SASH1: variants seen among roughly 807,000 people sequenced by gnomAD.
The protein encoded by SASH1 is SAM and SH3 domain-containing protein 1.
A neutral mutation model predicts 125.2 loss-of-function variants in SASH1; 44 were observed. That is an observed-to-expected ratio of 0.35 (90% CI 0.28 to 0.45). The LOEUF is 0.45. SASH1 is among the 20% of genes least tolerant of loss of function. The probability of loss-of-function intolerance (pLI) is 1.00; values close to 1 mark genes in which losing one functional copy is unlikely to be tolerated. For synonymous variants in SASH1, 639 were observed against 649.1 expected (o/e 0.98, Z 0.24); for missense variants, 1,426 against 1,614.5 (o/e 0.88, Z 2.00).
chr6:148,455,947 G>A (rs1046616019), intron 4 of SASH1, among the ~76,000 whole-genome samples: 21 of 152,050 alleles, frequency 1.4e-4, no homozygotes, highest in Admixed American at 1.4e-3. Context: ...GGACTCCCCT[G>A]CTGCCCCCAG....
intron 6 of SASH1, among the ~76,000 whole-genome samples, 176 bp downstream of exon 6, chr6:148,471,679 CTTTTG>C (rs747414016): frequency 1.2e-4 from 19 of 152,076 alleles, no homozygotes; most frequent in Non-Finnish European, 2.1e-4. Context: ...CAGTGATTTT[CTTTTG>C]TTTTAAGTCA....
chr6:148,242,300 G>T, the SASH1 span, among the ~76,000 whole-genome samples: 3 of 152,224 alleles, frequency 2.0e-5, no homozygotes, highest in African/African-American at 7.2e-5. Flanking sequence ...CTCCATTCCA[G>T]TGGGAACCTG....
chr6:148,296,006 G>A (rs1338238516), intron 1 of SASH1, among the ~76,000 whole-genome samples: 1 of 152,150 alleles, frequency 6.6e-6, no homozygotes, highest in Non-Finnish European at 1.5e-5. Flanking sequence ...CTTTCATTAC[G>A]CCTTTTGTTA....
chr6:148,312,032 C>A (rs1373107112), intron 1 of SASH1, among the ~76,000 whole-genome samples: 1 of 152,138 alleles, frequency 6.6e-6, no homozygotes, highest in East Asian at 1.9e-4. Context: ...GTGAAAGGAT[C>A]CAGACTCAAA....
intron 8 of SASH1, among the ~76,000 whole-genome samples, chr6:148,511,396 A>G (rs1244712808): frequency 2.0e-5 from 3 of 150,602 alleles, no homozygotes; most frequent in African/African-American, 7.3e-5. Context: ...TGGATTTTAT[A>G]TTGCATTTTT....
chr6:148,327,574 C>T (rs1032069986), intron 1 of SASH1, among the ~76,000 whole-genome samples: 18 of 150,732 alleles, frequency 1.2e-4, no homozygotes, highest in Non-Finnish European at 1.9e-4. Context: ...TGAGCCACTG[C>T]GCCCGGCCAG....
chr6:148,222,090 T>C, the SASH1 span, among the ~76,000 whole-genome samples: 4 of 152,200 alleles, frequency 2.6e-5, no homozygotes, highest in African/African-American at 9.6e-5. Flanking sequence ...TTCTAACCTA[T>C]GGTCTCCCTG....
intron 1 of SASH1, among the ~76,000 whole-genome samples, chr6:148,385,525 C>T (rs1282879057): frequency 1.3e-5 from 2 of 152,134 alleles, no homozygotes; most frequent in African/African-American, 4.8e-5. Flanking sequence ...GATGGCTGGC[C>T]ACTCTAGGTA....
chr6:148,544,670 A>G lies in SASH1; in HGVS notation c.3200A>G (p.Asn1067Ser). ...CCCTGGCTCTCAGAGCTCCCCGAGAACACAAGCCTCCAGGAGCACGGTGTG... is the reference window on the plus strand; with the variant it reads ...CCCTGGCTCTCAGAGCTCCCCGAGAGCACAAGCCTCCAGGAGCACGGTGTG... ...PPPWLSELPE[N>S]TSLQEHGVKL... The change falls in exon 18 of 20, where the codon AAC becomes AGC. Residue 1067 changes from asparagine (N) to serine (S), a missense_variant. Around this residue, in one of 3 missense-constraint regions of SASH1, gnomAD observed 634 missense variants for 694.4 expected, o/e 0.91. Coordinates refer to ENST00000367467, the MANE Select transcript of SASH1 (RefSeq NM_015278.5). This position sits in a 1 kb window ranked among gnomAD's most constrained non-coding sequence, Gnocchi z 6.4. 2.5e-6 allele frequency: 4 copies of G among 1,613,402 alleles called. No homozygotes were observed. Among genetic ancestry groups the G allele is most frequent in the Non-Finnish European group, 3.4e-6 (4 of 1,179,724 alleles).
intron 10 of SASH1, chr6:148,524,900 C>G (rs2294780): frequency 0.29 from 52,727 of 181,856 alleles, 7,820 homozygotes; most frequent in Middle Eastern, 0.41. Flanking sequence ...GATCCTCTAA[C>G]ACATATCCCT....
intron 1 of SASH1, among the ~76,000 whole-genome samples, chr6:148,301,003 G>A (rs1438434046): frequency 6.6e-6 from 1 of 151,958 alleles, no homozygotes; most frequent in Admixed American, 6.6e-5. Flanking sequence ...CATCCAAGCT[G>A]GAGTGCAGTG....
At chr6:148,388,791 G>C (rs1169222582) in intron 1 of SASH1, among the ~76,000 whole-genome samples, 1 of 152,254 alleles carries the variant, frequency 6.6e-6, no homozygotes, top group Non-Finnish European at 1.5e-5. Context: ...TGTTAGGCGT[G>C]TGTTGCTATG....
chr6:148,526,782 T>C (rs951266428), intron 11 of SASH1, among the ~76,000 whole-genome samples: 19 of 152,126 alleles, frequency 1.2e-4, no homozygotes, highest in African/African-American at 4.6e-4. Context: ...TTTGTTCTAA[T>C]CTCTTTCTCC....
In SASH1 at chr6:148,512,375, A is replaced by G. The variant is rs551549224; in HGVS notation, c.730-1949A>G. On this transcript the variant is annotated intron_variant, in intron 8 of 19. Coordinates refer to ENST00000367467, the MANE Select transcript of SASH1 (RefSeq NM_015278.5). Reference sequence around the variant, plus strand: ...AGAGACTTTCTATAACATAATGTTGATTCTTCTTCTATTAGAATTGCTTGG... The same window carrying G: ...AGAGACTTTCTATAACATAATGTTGGTTCTTCTTCTATTAGAATTGCTTGG... 3.0e-5 allele frequency: 18 copies of G among 600,718 alleles called. No individual in the cohort carries two copies. The African/African-American group carries it at 3.6e-4, about 12-fold the overall frequency. The allele number at this position is 600,718 out of a possible 1,614,324, so 37.2% of individuals were successfully genotyped here. A position where few individuals can be genotyped will look rare whatever the true frequency, so the allele number is the denominator to read the frequency against.
At chr6:148,457,158 G>C (rs1702774675) in intron 4 of SASH1, among the ~76,000 whole-genome samples, 1 of 150,798 alleles carries the variant, frequency 6.6e-6, no homozygotes, top group African/African-American at 2.4e-5. Context: ...AGAATAAAAA[G>C]CAGAATTTCA....
chr6:148,382,294 G>A (rs1055750686), intron 1 of SASH1, among the ~76,000 whole-genome samples: 2 of 152,032 alleles, frequency 1.3e-5, no homozygotes, highest in African/African-American at 4.8e-5. Context: ...ATGTGTGCAG[G>A]TCCATTGTGA....
intron 12 of SASH1, among the ~76,000 whole-genome samples, chr6:148,528,490 G>GCC (rs1389464473): frequency 6.6e-6 from 1 of 152,186 alleles, no homozygotes; most frequent in Non-Finnish European, 1.5e-5. Flanking sequence ...ACCAAGCATC[G>GCC]CCCCTATGCG....
intron 8 of SASH1, chr6:148,512,951 A>G: frequency 1.0e-6 from 1 of 985,450 alleles, no homozygotes; most frequent in Non-Finnish European, 1.2e-6. Context: ...CTTGAGTTCC[A>G]GGGTGAGGAC....
intron 16 of SASH1, among the ~76,000 whole-genome samples, chr6:148,537,822 GT>G (rs1781950967): frequency 3.7e-5 from 5 of 135,824 alleles, no homozygotes; most frequent in African/African-American, 5.5e-5. Context: ...GTGTGTGTGT[GT>G]GTGTGTGTGG....
Sources: allele counts gnomAD v4.1 joint callset (sites outside exome capture counted in the v4.1 genomes callset), GRCh38; gene constraint gnomAD v4.1.1; regional missense constraint gnomAD v4.1.1; non-coding constraint Gnocchi (gnomAD v3.1); transcripts MANE v1.5; gene names NCBI Gene and HGNC (gene_info 2026-07-23, HGNC 2026-07-21).